Variants in FANCI observed in about 807,000 individuals in gnomAD.
The protein encoded by FANCI is FA complementation group I, also known as Fanconi anemia group I protein.
In FANCI, 156 loss-of-function variants were observed where a neutral mutation model predicts 176.1. The observed-to-expected ratio is 0.89, with a 90% CI of 0.78 to 1.01. The LOEUF is 1.01. Among genes scored for constraint, FANCI ranks in the 50% least tolerant of loss-of-function variants. The pLI, the probability that FANCI is intolerant of heterozygous loss-of-function variation, is 0.00. For synonymous variants in FANCI, 613 were observed against 541.7 expected (o/e 1.13, Z -1.83); for missense variants, 1,678 against 1,534.1 (o/e 1.09, Z -1.57).
intron 24 of FANCI, among the ~76,000 whole-genome samples, chr15:89,298,121 A>C (rs907418931): frequency 2.0e-5 from 3 of 152,174 alleles, no homozygotes; most frequent in Non-Finnish European, 4.4e-5. Flanking sequence ...AATCTACTGA[A>C]AGGAGGTAGA....
At chr15:89,288,726 C>T (rs1265990897) in intron 18 of FANCI, among the ~76,000 whole-genome samples, 1 of 151,630 alleles carries the variant, frequency 6.6e-6, no homozygotes, top group African/African-American at 2.4e-5. Context: ...TCAAATAATC[C>T]TCTTGCCTCA....
intron 10 of FANCI, among the ~76,000 whole-genome samples, chr15:89,270,596 C>T (rs1226310108): frequency 6.6e-6 from 1 of 151,652 alleles, no homozygotes; most frequent in Non-Finnish European, 1.5e-5. Flanking sequence ...ATCTTTCTTT[C>T]GGCATTATTA....
At chr15:89,248,248 A>G (rs2052077916) in intron 2 of FANCI, among the ~76,000 whole-genome samples, 2 of 152,162 alleles carry the variant, frequency 1.3e-5, no homozygotes, top group African/African-American at 4.8e-5. Context: ...TCTTCTCCCT[A>G]ATGTTCTTTC....
At chr15:89,313,096 A>AAATC in intron 35 of FANCI, 124 bp downstream of exon 35, 1 of 968,628 alleles carries the variant, frequency 1.0e-6, no homozygotes, top group East Asian at 2.5e-5. Flanking sequence ...TGCCCAGAAT[A>AAATC]AATCATCTAA....
chr15:89,276,830 C>T lies in FANCI; in HGVS notation c.1232C>T (p.Ser411Phe), dbSNP rs966274221. The T allele has an allele frequency of 2.5e-6, 4 of 1,614,014 alleles. No homozygotes were observed. In the African/African-American group the frequency reaches 4.0e-5, roughly 16 times the overall value. The part of the protein sequence containing the change: ...GKTIETSPSL[S>F]RMPNQHACKL... ...ACTATTGAAACCAGCCCAAGTCTTT[C>T]TAGAATGCCAAACCAGCATGCATGT... The change falls in exon 13 of 38, where the codon TCT (serine) becomes TTT (phenylalanine). Residue 411 changes from serine to phenylalanine, a missense_variant. This residue lies in a region of FANCI where 1,204 missense variants were observed against 1,077.4 expected (regional missense o/e 1.12). Transcript: ENST00000310775.
At chr15:89,301,110 C>T (rs1259412192) in intron 26 of FANCI, among the ~76,000 whole-genome samples, 3 of 152,220 alleles carry the variant, frequency 2.0e-5, no homozygotes, top group Admixed American at 6.5e-5. Flanking sequence ...CGGAAAGAGT[C>T]AGTTTTCAGG....
chr15:89,299,845 G>C lies in FANCI; in HGVS notation c.2682G>C (p.Glu894Asp). ...CTTCAATTCCTACTTCAGTGGAAGA[G>C]TCGGGAAAGAAAGAGAAAGGAAAGA... ...RYTSIPTSVE[E>D]SGKKEKGKSI... Residue 894 changes from glutamate (E) to aspartate (D), a missense_variant, in exon 25 of 38, where the codon GAG becomes GAC. By Grantham distance (45) the Glu-to-Asp change is conservative. Around this residue, in one of 3 missense-constraint regions of FANCI, gnomAD observed 1,204 missense variants for 1,077.4 expected, o/e 1.12. Transcript: ENST00000310775. 6.2e-7 allele frequency: 1 copy of C among 1,614,034 alleles called. No individual in the cohort carries two copies. The highest frequency in any genetic ancestry group is 8.5e-7 in the Non-Finnish European group (1 of 1,180,004).
chr15:89,306,128 C>T lies in FANCI; in HGVS notation c.3471C>T (p.Ser1157=). Residue 1157 remains serine, a synonymous_variant, in exon 32 of 38, where the codon AGC becomes AGT. Transcript: ENST00000310775. ...TGCAGACAGCTCTGCCATCAGGCAG[C>T]TGTGTGGACACCTTGTTAAAGGACT... ...ELVQTALPSG[S]CVDTLLKDLC... is the part of the protein sequence containing the mutation. 1 of 1,614,190 alleles carries T rather than the reference C, an allele frequency of 6.2e-7. No individual in the cohort carries two copies. The highest frequency in any genetic ancestry group is 8.5e-7 in the Non-Finnish European group (1 of 1,180,030).
chr15:89,297,765 G>A (rs370873976), intron 24 of FANCI, among the ~76,000 whole-genome samples: 3 of 149,506 alleles, frequency 2.0e-5, no homozygotes, highest in Non-Finnish European at 3.0e-5. Context: ...GGGAGACCGT[G>A]GGGAGAGGGA....
At position 89,276,810 on chromosome 15, in the gene FANCI, T is replaced by C. The variant is rs749893514; in HGVS notation, c.1212T>C (p.Ile404=). Residue 404 remains isoleucine (I), a synonymous_variant, in exon 13 of 38, where the codon ATT becomes ATC. Transcript: ENST00000310775. ...GPKKVLDGKT[I]ETSPSLSRMP... is the part of the protein sequence containing the mutation. ...AGAAGGTTCTTGATGGAAAAACTAT[T>C]GAAACCAGCCCAAGTCTTTCTAGAA... is the stretch of plus-strand genomic sequence containing the variant. 1.2e-6 allele frequency: 2 copies of C among 1,614,078 alleles called. No homozygotes were observed. Among genetic ancestry groups the C allele is most frequent in the African/African-American group, 2.7e-5 (2 of 74,942 alleles).
At chr15:89,260,994 G>A in intron 4 of FANCI, 151 bp downstream of exon 4, 2 of 1,003,444 alleles carry the variant, frequency 2.0e-6, no homozygotes, top group East Asian at 2.8e-5. Context: ...GGCCGGGCAT[G>A]GTGACTCACA....
Position 89,263,956 on chromosome 15 carries a change from G to C in FANCI, c.599G>C (p.Ser200Thr), listed in dbSNP as rs750121617. The C allele has an allele frequency of 6.2e-7, 1 of 1,614,070 alleles. No homozygotes were observed. The highest frequency in any genetic ancestry group is 1.1e-5 in the South Asian group (1 of 91,084). Residue 200 changes from serine (S) to threonine (T), a missense_variant, in exon 8 of 38, where the codon AGC (serine) becomes ACC (threonine). Physicochemically the swap from Ser to Thr is moderately conservative, Grantham distance 58 (BLOSUM62 1). Coordinates refer to ENST00000310775, the MANE Select transcript of FANCI (RefSeq NM_001113378.2). ...EVEFVVEKAL[S>T]MFSKMNLQEI... ...GAATTTGTGGTGGAAAAAGCATTGA[G>C]CATGTTCTCCAAGATGAATCTTCAA...
chr15:89,255,411 A>T (rs1363207258), intron 2 of FANCI, among the ~76,000 whole-genome samples: 3 of 152,148 alleles, frequency 2.0e-5, no homozygotes, highest in African/African-American at 7.2e-5. Flanking sequence ...TTAGATGAGG[A>T]GCAAGATATT....
intron 34 of FANCI, among the ~76,000 whole-genome samples, chr15:89,309,038 C>T (rs577812626): frequency 6.6e-6 from 1 of 151,500 alleles, no homozygotes; most frequent in African/African-American, 2.4e-5. Context: ...AGTTGAGACT[C>T]TCTGTCACCT....
intron 6 of FANCI, among the ~76,000 whole-genome samples, chr15:89,262,826 A>T (rs1010865610): frequency 4.6e-5 from 7 of 152,220 alleles, no homozygotes; most frequent in African/African-American, 1.7e-4. Flanking sequence ...TTATTTGGCT[A>T]ATCTACAATT....
In FANCI at chr15:89,305,098, TTTC is replaced by T; in HGVS notation, c.3059-13_3059-11del. On this transcript the variant is annotated splice_polypyrimidine_tract_variant and intron_variant, in intron 28 of 37. Transcript: ENST00000310775. ...GCCACAACTTACCTTTTAATTTGCT[TTTC>T]TTCCTATTCCTAGAGGATGCCTTGT... 1 of 1,613,704 alleles carries T rather than the reference TTTC, an allele frequency of 6.2e-7. No individual in the cohort carries two copies. Among genetic ancestry groups the T allele is most frequent in the African/African-American group, 1.3e-5 (1 of 75,034 alleles).
chr15:89,303,241 T>C (rs2054590644), intron 27 of FANCI, among the ~76,000 whole-genome samples: 1 of 152,208 alleles, frequency 6.6e-6, no homozygotes, highest in Non-Finnish European at 1.5e-5. Flanking sequence ...TTGTTAGTCA[T>C]TTACACTTAA....
intron 27 of FANCI, among the ~76,000 whole-genome samples, chr15:89,302,088 G>A (rs78159471): frequency 7.9e-5 from 12 of 152,328 alleles, no homozygotes; most frequent in African/African-American, 2.6e-4. Context: ...CCTGTAGGAT[G>A]ATAGAGTACC....
intron 2 of FANCI, among the ~76,000 whole-genome samples, chr15:89,257,107 C>T (rs549011474): frequency 2.0e-5 from 3 of 152,208 alleles, no homozygotes; most frequent in African/African-American, 4.8e-5. Context: ...GGGGTTTCAC[C>T]GTGTTAGCCA....
Sources: allele counts gnomAD v4.1 joint callset (sites outside exome capture counted in the v4.1 genomes callset), GRCh38; gene constraint gnomAD v4.1.1; regional missense constraint gnomAD v4.1.1; transcripts MANE v1.5; gene names NCBI Gene and HGNC (gene_info 2026-07-23, HGNC 2026-07-21).